THSD7B: variants seen among roughly 807,000 people sequenced by gnomAD.
THSD7B encodes the protein thrombospondin type 1 domain containing 7B.
Under a neutral mutation model 213.6 loss-of-function variants are expected in THSD7B, and 138 were observed. That is an observed-to-expected ratio of 0.65 (90% CI 0.56 to 0.74). The LOEUF (loss-of-function observed/expected upper bound fraction) is 0.74. THSD7B is among the 30% of genes least tolerant of loss of function. THSD7B has a pLI of 0.00. For synonymous variants in THSD7B, 742 were observed against 687.0 expected (o/e 1.08, Z -1.25); for missense variants, 1,931 against 1,991.5 (o/e 0.97, Z 0.58).
Position 137,359,565 on chromosome 2 carries a change from G to A in THSD7B, c.2501-46048G>A, listed in dbSNP as rs567320461. Among the ~76,000 whole-genome samples the A allele has an allele frequency of 4.9e-4, 75 of 152,272 alleles. 3 individuals are homozygous for A. The South Asian group carries it at 0.015, about 30-fold the overall frequency. On this transcript the variant is annotated intron_variant, in intron 12 of 27. Transcript: ENST00000409968. Reference sequence around the variant, plus strand: ...CTTACTGAAGAAGGGTGGTAGAATAGAGATGACGGGATGCTACAGACAGGT... The same window carrying A: ...CTTACTGAAGAAGGGTGGTAGAATAAAGATGACGGGATGCTACAGACAGGT...
rs1377506905 is a variant in THSD7B at position 137,363,126 on chromosome 2, C to T, written c.2501-42487C>T. On this transcript the variant is annotated intron_variant, in intron 12 of 27. Transcript: ENST00000409968. ...TATATGGAAACTGAACAACCTGCTCCTGAATGACTACTGGGTAAATAACGA... is the reference window on the plus strand; with the variant it reads ...TATATGGAAACTGAACAACCTGCTCTTGAATGACTACTGGGTAAATAACGA... Among the ~76,000 whole-genome samples, 3 of 152,146 alleles carry T rather than the reference C, an allele frequency of 2.0e-5. No homozygotes were observed. In the East Asian group the frequency reaches 5.8e-4, roughly 29 times the overall value.
intron 17 of THSD7B, among the ~76,000 whole-genome samples, chr2:137,575,587 T>C (rs561744062): frequency 6.6e-6 from 1 of 151,858 alleles, no homozygotes; most frequent in Non-Finnish European, 1.5e-5. Flanking sequence ...ACTGGGACCA[T>C]TTTTTTAAAA....
chr2:136,933,735 TC>T (rs908033920), intron 2 of THSD7B, among the ~76,000 whole-genome samples: 1 of 152,166 alleles, frequency 6.6e-6, no homozygotes, highest in Non-Finnish European at 1.5e-5. Context: ...CCCCCATCCT[TC>T]AGTATTATCA....
intron 12 of THSD7B, among the ~76,000 whole-genome samples, chr2:137,396,857 A>G (rs1219623297): frequency 4.0e-5 from 6 of 151,574 alleles, no homozygotes; most frequent in South Asian, 2.1e-4. Flanking sequence ...CCTGTATTGG[A>G]TGCATATATA....
intron 1 of THSD7B, among the ~76,000 whole-genome samples, chr2:136,784,108 CTCTCTT>C (rs1681794819): frequency 6.6e-6 from 1 of 152,140 alleles, no homozygotes; most frequent in Non-Finnish European, 1.5e-5. Context: ...AAAGAGTGGT[CTCTCTT>C]TAGTTTCAAA....
chr2:137,590,792 G>GGTTTTTTTTTTTTTTTT (rs1681847048), intron 17 of THSD7B, among the ~76,000 whole-genome samples: 1 of 88,716 alleles, frequency 1.1e-5, no homozygotes, highest in Non-Finnish European at 2.3e-5. Context: ...CTTTGAAATA[G>GGTTTTTTTTTTTTTTTT]TTTTTTTTTT....
chr2:137,266,913 C>T (rs889801761), intron 10 of THSD7B, among the ~76,000 whole-genome samples: 4 of 152,258 alleles, frequency 2.6e-5, no homozygotes, highest in Middle Eastern at 3.4e-3. Context: ...GCTCATTAAT[C>T]GAATAACTCT....
At chr2:137,268,114 G>C (rs1362915879) in intron 10 of THSD7B, among the ~76,000 whole-genome samples, 1 of 152,114 alleles carries the variant, frequency 6.6e-6, no homozygotes, top group African/African-American at 2.4e-5. Flanking sequence ...TTACAGGAAA[G>C]GGATATGGAT....
chr2:136,777,365 C>T (rs1280932877), intron 1 of THSD7B, among the ~76,000 whole-genome samples: 1 of 152,166 alleles, frequency 6.6e-6, no homozygotes, highest in Admixed American at 6.5e-5. Flanking sequence ...GCCCTCCTTT[C>T]AAATTCTAGC....
At chr2:137,056,148 G>A (rs1687159502) in intron 2 of THSD7B, among the ~76,000 whole-genome samples, 1 of 152,036 alleles carries the variant, frequency 6.6e-6, no homozygotes, top group Non-Finnish European at 1.5e-5. Context: ...TCTACAAGTC[G>A]GTGCTTTTAT....
intron 2 of THSD7B, among the ~76,000 whole-genome samples, chr2:136,898,248 C>T (rs1434369411): frequency 6.6e-6 from 1 of 152,146 alleles, no homozygotes; most frequent in African/African-American, 2.4e-5. Context: ...AGTGTATAAG[C>T]CTTGTCCTTC....
intron 12 of THSD7B, among the ~76,000 whole-genome samples, chr2:137,284,133 T>C (rs924566010): frequency 6.6e-6 from 1 of 152,066 alleles, no homozygotes; most frequent in Non-Finnish European, 1.5e-5. Flanking sequence ...CTTGGGAGAG[T>C]GTATGTGTCA....
At chr2:136,831,701 C>T (rs1460708318) in intron 1 of THSD7B, among the ~76,000 whole-genome samples, 2 of 152,112 alleles carry the variant, frequency 1.3e-5, no homozygotes, top group Non-Finnish European at 2.9e-5. Context: ...AGAGAAATGC[C>T]CAGTGTTAGA....
chr2:137,057,081 G>A lies in THSD7B; in HGVS notation c.801G>A (p.Leu267=), dbSNP rs530221854. ...TTAATCCAAGCGGAAGAACTGTTCT[G>A]GATTTTAACTCTGATTCAAATGAGC... ...KEINPSGRTV[L]DFNSDSNERV... Residue 267 remains leucine, a synonymous_variant, in exon 3 of 28, where the codon CTG becomes CTA. Transcript: ENST00000409968. 1.5e-5 allele frequency: 25 copies of A among 1,613,878 alleles called. No individual in the cohort carries two copies. In the African/African-American group the frequency reaches 2.8e-4, roughly 18 times the overall value.
At chr2:137,190,811 C>T (rs914272645) in intron 7 of THSD7B, among the ~76,000 whole-genome samples, 2 of 152,190 alleles carry the variant, frequency 1.3e-5, no homozygotes, top group Admixed American at 1.3e-4. Context: ...TGCACCTTTT[C>T]CCTCGTGTGG....
At chr2:137,070,503 A>T (rs1687460318) in intron 3 of THSD7B, among the ~76,000 whole-genome samples, 2 of 151,898 alleles carry the variant, frequency 1.3e-5, no homozygotes, top group African/African-American at 4.8e-5. Context: ...GGATAAATGC[A>T]TACAAGTTGT....
At chr2:136,980,533 C>T (rs984035032) in intron 2 of THSD7B, among the ~76,000 whole-genome samples, 1 of 152,176 alleles carries the variant, frequency 6.6e-6, no homozygotes, top group African/African-American at 2.4e-5. Context: ...CACGATCTGT[C>T]ACAGCTGCTG....
intron 12 of THSD7B, among the ~76,000 whole-genome samples, chr2:137,297,469 A>T (rs950049869): frequency 1.3e-5 from 2 of 151,896 alleles, no homozygotes; most frequent in African/African-American, 4.8e-5. Flanking sequence ...CCAGGTAAGA[A>T]ATACTCAGAT....
chr2:137,039,852 T>A (rs1686848427), intron 2 of THSD7B, among the ~76,000 whole-genome samples: 1 of 152,346 alleles, frequency 6.6e-6, no homozygotes, highest in African/African-American at 2.4e-5. Context: ...AACAAATGAA[T>A]GTAAGCATTT....
Sources: gnomAD v4.1 joint callset for allele counts (sites outside exome capture counted in the v4.1 genomes callset) on GRCh38, gnomAD v4.1.1 for gene constraint, MANE v1.5 for transcripts, NCBI Gene and HGNC (gene_info 2026-07-23, HGNC 2026-07-21) for gene names.